The following IPO13 variants were observed in gnomAD, a reference collection of about 807,000 sequenced individuals.
IPO13 encodes the protein importin-13.
A neutral mutation model predicts 115.5 loss-of-function variants in IPO13; 28 were observed. The observed-to-expected ratio is 0.24, with a 90% CI of 0.18 to 0.33. The LOEUF is 0.33. Among genes scored for constraint, IPO13 ranks in the 10% least tolerant of loss-of-function variants. The pLI is 1.00. For synonymous variants in IPO13, 414 were observed against 478.9 expected (o/e 0.86, Z 1.77); for missense variants, 785 against 1,204.6 (o/e 0.65, Z 5.16).
intron 2 of IPO13, among the ~76,000 whole-genome samples, chr1:43,951,502 G>A (rs1295460875): frequency 2.0e-5 from 3 of 152,206 alleles, no homozygotes; most frequent in Admixed American, 1.3e-4. Context: ...CTGGTGATCT[G>A]TAAATCATTA....
In IPO13 at chr1:43,949,674, T is replaced by A. The variant is rs1235899779; in HGVS notation, c.342T>A (p.Ser114Arg). 6.2e-7 allele frequency: 1 copy of A among 1,614,252 alleles called. No individual in the cohort carries two copies. The highest frequency in any genetic ancestry group is 8.5e-7 in the Non-Finnish European group (1 of 1,180,034). ...QLFTQITRFA[S>R]GSKIVLTRLC... ...TCACCCAGATCACCCGCTTTGCCAG[T>A]GGCTCCAAGATTGTACTGACTCGGC... The change falls in exon 2 of 20, where the codon AGT becomes AGA. Residue 114 changes from serine to arginine, a missense_variant. Ser to Arg is a moderately radical substitution (Grantham distance 110). Transcript: ENST00000372343.
chr1:43,955,369 A>G (rs530865563), intron 2 of IPO13, among the ~76,000 whole-genome samples: 1 of 152,206 alleles, frequency 6.6e-6, no homozygotes, highest in South Asian at 2.1e-4. Flanking sequence ...TAGGGCTACC[A>G]TAACATAGTA....
At position 43,966,275 on chromosome 1, in the gene IPO13, T is replaced by G; in HGVS notation, c.2398-300T>G. ...GAGCCTGCGAGACATCTGGCCCTGATGGAGGGGGAGGGAAAGGTGTCTGGA... is the reference window on the plus strand; with the variant it reads ...GAGCCTGCGAGACATCTGGCCCTGAGGGAGGGGGAGGGAAAGGTGTCTGGA... On this transcript the variant is annotated intron_variant, in intron 15 of 19. Coordinates refer to ENST00000372343, the MANE Select transcript of IPO13 (RefSeq NM_014652.4). The surrounding 1 kb of genome is among the most constrained non-coding windows in gnomAD (Gnocchi z 4.1). 1 of 500,594 alleles carries G rather than the reference T, an allele frequency of 2.0e-6. No individual in the cohort carries two copies. 31.0% of individuals were successfully genotyped at this position (500,594 alleles called of 1,614,324 possible).
In IPO13 at chr1:43,958,681, G is replaced by A; in HGVS notation, c.1885-65G>A. On this transcript the variant is annotated intron_variant, in intron 10 of 19. Coordinates refer to ENST00000372343, the MANE Select transcript of IPO13 (RefSeq NM_014652.4). The surrounding 1 kb of genome is among the most constrained non-coding windows in gnomAD (Gnocchi z 6.3). The stretch of plus-strand genomic sequence containing the variant: ...GTTGGAGCTGGCCCTCAGAGCTGAG[G>A]CTCAGTGATCTGGGGACCAAACTGG... The A allele has an allele frequency of 6.2e-7, 1 of 1,612,534 alleles. No homozygotes were observed.
At position 43,958,413 on chromosome 1, in the gene IPO13, C is replaced by T; in HGVS notation, c.1750-48C>T. 1.2e-5 allele frequency: 19 copies of T among 1,612,578 alleles called. No individual in the cohort carries two copies. The highest frequency in any genetic ancestry group is 1.6e-5 in the Non-Finnish European group (19 of 1,179,314). Reference sequence around the variant, plus strand: ...CAAGAGGCTCATTTTCCTTCCTACCCCACAACTAGATGTGGCCAGGACTGA... The same window carrying T: ...CAAGAGGCTCATTTTCCTTCCTACCTCACAACTAGATGTGGCCAGGACTGA... On this transcript the variant is annotated intron_variant, in intron 9 of 19. Transcript: ENST00000372343. This position sits in a 1 kb window ranked among gnomAD's most constrained non-coding sequence, Gnocchi z 6.3.
rs149055378 is a variant in IPO13, at chr1:43,964,833, G to A, written c.2397+512G>A. 2.2e-3 allele frequency among the ~76,000 whole-genome samples: 342 copies of A among 152,320 alleles called. 4 individuals carry two copies. The highest frequency in any genetic ancestry group is 3.7e-3 in the Non-Finnish European group (251 of 68,016). ...TGTTGGAGAGGTTGAGCTGCTGCTA[G>A]GAGGTGGAGTGCAGGCTCCATGCTA... On this transcript the variant is annotated intron_variant, in intron 15 of 19. Coordinates refer to ENST00000372343, the MANE Select transcript of IPO13 (RefSeq NM_014652.4).
chr1:43,963,923 C>A (rs1015377835), intron 14 of IPO13, among the ~76,000 whole-genome samples: 1 of 152,146 alleles, frequency 6.6e-6, no homozygotes, highest in Non-Finnish European at 1.5e-5. Context: ...GCTACCCCAA[C>A]CTGCCAGAGG....
chr1:43,963,322 G>A (rs1342077101), intron 14 of IPO13, among the ~76,000 whole-genome samples: 1 of 152,196 alleles, frequency 6.6e-6, no homozygotes, highest in Non-Finnish European at 1.5e-5. Context: ...CAGAACTGGA[G>A]GCAGCAGTGT....
Position 43,956,271 on chromosome 1 carries a change from T to C in IPO13, c.822-49T>C. The stretch of plus-strand genomic sequence containing the variant: ...TTATGCCTTTCTCTTAAAGCCAGTG[T>C]GGGGTTGAGCAGAGAGCTCTGATGG... On this transcript the variant is annotated intron_variant, in intron 2 of 19. Coordinates refer to ENST00000372343, the MANE Select transcript of IPO13 (RefSeq NM_014652.4). The surrounding 1 kb of genome is among the most constrained non-coding windows in gnomAD (Gnocchi z 4.7). 6.2e-7 allele frequency: 1 copy of C among 1,606,502 alleles called. No individual in the cohort carries two copies. The highest frequency in any genetic ancestry group is 8.5e-7 in the Non-Finnish European group (1 of 1,174,374).
At position 43,958,130 on chromosome 1, in the gene IPO13, A is replaced by G; in HGVS notation, c.1694A>G (p.Tyr565Cys). The G allele has an allele frequency of 6.2e-7, 1 of 1,614,054 alleles. No homozygotes were observed. Among genetic ancestry groups the G allele is most frequent in the Non-Finnish European group, 8.5e-7 (1 of 1,179,998 alleles). Residue 565 changes from tyrosine to cysteine, a missense_variant, in exon 8 of 20, where the codon TAT (tyrosine) becomes TGT (cysteine). Physicochemically the swap from Tyr to Cys is radical, Grantham distance 194. This residue lies in a region of IPO13 where 175 missense variants were observed against 360.0 expected (regional missense o/e 0.49). Transcript: ENST00000372343. The surrounding 1 kb of genome is among the most constrained non-coding windows in gnomAD (Gnocchi z 6.3). Reference protein sequence around the residue: ...CRECKYDLPPYAANIVAVSQD... With the variant: ...CRECKYDLPPCAANIVAVSQD... ...GAGTGCAAGTATGACCTGCCTCCCTATGCTGCCAACATTGTGGCTGTGTCC... is the reference window on the plus strand; with the variant it reads ...GAGTGCAAGTATGACCTGCCTCCCTGTGCTGCCAACATTGTGGCTGTGTCC...
In IPO13 at chr1:43,960,319, A is replaced by G; in HGVS notation, c.2099A>G (p.Gln700Arg). 6.2e-7 allele frequency: 1 copy of G among 1,614,114 alleles called. No homozygotes were observed. The highest frequency in any genetic ancestry group is 8.5e-7 in the Non-Finnish European group (1 of 1,179,974). Reference sequence around the variant, plus strand: ...CTGAGCAAATGGTTGAATGATGCCCAGGTTGTGGAGGTGAGCCCTGACCCT... The same window carrying G: ...CTGAGCAAATGGTTGAATGATGCCCGGGTTGTGGAGGTGAGCCCTGACCCT... The part of the protein sequence containing the change: ...KVLSKWLNDA[Q>R]VVEAVCAIFE... Residue 700 changes from glutamine (Q) to arginine (R), a missense_variant, in exon 12 of 20, where the codon CAG (glutamine) becomes CGG (arginine). By Grantham distance (43) the Gln-to-Arg change is conservative (BLOSUM62 1). Coordinates refer to ENST00000372343, the MANE Select transcript of IPO13 (RefSeq NM_014652.4).
At chr1:43,951,082 A>C (rs2085205709) in intron 2 of IPO13, among the ~76,000 whole-genome samples, 1 of 152,188 alleles carries the variant, frequency 6.6e-6, no homozygotes, top group Non-Finnish European at 1.5e-5. Flanking sequence ...GGATTGTTCT[A>C]GGCTTTAGGA....
chr1:43,956,309 C>T lies in IPO13; in HGVS notation c.822-11C>T, dbSNP rs1395376190. The T allele has an allele frequency of 1.2e-6, 2 of 1,614,054 alleles. No homozygotes were observed. The highest frequency in any genetic ancestry group is 1.7e-6 in the Non-Finnish European group (2 of 1,179,968). On this transcript the variant is annotated splice_polypyrimidine_tract_variant and intron_variant, in intron 2 of 19. Transcript: ENST00000372343. The surrounding 1 kb of genome is among the most constrained non-coding windows in gnomAD (Gnocchi z 4.7). The stretch of plus-strand genomic sequence containing the variant: ...AGAGCTCTGATGGATTTTCTCACCT[C>T]ATGCCTCTAGGTACGTGAACACACT...
intron 13 of IPO13, 28 bp downstream of exon 13, chr1:43,961,041 C>A (rs765578778): frequency 6.2e-7 from 1 of 1,613,204 alleles, no homozygotes; most frequent in Non-Finnish European, 8.5e-7. Context: ...GGCAGAGATC[C>A]TGACCCTGGG....
Position 43,957,399 on chromosome 1 carries a change from C to T in IPO13, c.1393-3C>T. On this transcript the variant is annotated splice_region_variant and splice_polypyrimidine_tract_variant and intron_variant, in intron 6 of 19. Coordinates refer to ENST00000372343, the MANE Select transcript of IPO13 (RefSeq NM_014652.4). ...CCAAGCCAGTGGCACCCTCTTTCCC[C>T]AGCACACAGAGGCCCTCCTCTACGG... 2 of 1,614,142 alleles carry T rather than the reference C, an allele frequency of 1.2e-6. No homozygotes were observed. The highest frequency in any genetic ancestry group is 1.7e-6 in the Non-Finnish European group (2 of 1,179,994).
At chr1:43,960,517 C>T (rs994398926) in intron 12 of IPO13, among the ~76,000 whole-genome samples, 188 bp downstream of exon 12, 3 of 152,184 alleles carry the variant, frequency 2.0e-5, no homozygotes, top group Admixed American at 6.5e-5. Flanking sequence ...AAGTGCTTAA[C>T]GTAAGGACTC....
chr1:43,947,163 C>T lies in IPO13; in HGVS notation c.-438C>T. On this transcript the variant is annotated 5_prime_UTR_variant, in exon 1 of 20. Coordinates refer to ENST00000372343, the MANE Select transcript of IPO13 (RefSeq NM_014652.4). ...CTCTCTCTCTCCCGTGACCCTCCAGCCCCATGACCTGTTCATAGCAGCCGA... is the reference window on the plus strand; with the variant it reads ...CTCTCTCTCTCCCGTGACCCTCCAGTCCCATGACCTGTTCATAGCAGCCGA... 2.5e-6 allele frequency: 1 copy of T among 398,876 alleles called. No homozygotes were observed. The highest frequency in any genetic ancestry group is 4.4e-6 in the Non-Finnish European group (1 of 226,244). 24.7% of individuals were successfully genotyped at this position (398,876 alleles called of 1,614,324 possible).
At chr1:43,951,728 AG>A (rs1489597999) in intron 2 of IPO13, among the ~76,000 whole-genome samples, 1 of 152,242 alleles carries the variant, frequency 6.6e-6, no homozygotes, top group African/African-American at 2.4e-5. Flanking sequence ...GACATTTCAG[AG>A]ATGGGGCTTT....
At chr1:43,957,840 T>C (rs139347393) in intron 7 of IPO13, 137 bp from the exon 8 acceptor site, 6 of 837,126 alleles carry the variant, frequency 7.2e-6, no homozygotes, top group Middle Eastern at 7.2e-4. Flanking sequence ...TGCACATGCA[T>C]ATGTCCTCTG....
Sources: gnomAD v4.1 joint callset for allele counts (sites outside exome capture counted in the v4.1 genomes callset) on GRCh38, gnomAD v4.1.1 for gene constraint, gnomAD v4.1.1 regional missense constraint, Gnocchi (gnomAD v3.1) non-coding constraint, MANE v1.5 for transcripts, NCBI Gene and HGNC (gene_info 2026-07-23, HGNC 2026-07-21) for gene names.